GPR39: variants seen among roughly 807,000 people sequenced by gnomAD.
GPR39 encodes G protein-coupled receptor 39.
GPR39 carries 23 observed loss-of-function variants against 18.4 expected under a neutral mutation model. The observed-to-expected ratio is 1.25, with a 90% CI of 0.90 to 1.77. GPR39 has a LOEUF of 1.77. Among genes scored for constraint, GPR39 ranks in the 40% most tolerant of loss-of-function variants. The pLI is 0.00. For missense variants in GPR39, 647 were observed against 602.4 expected, an observed-to-expected ratio of 1.07 and a Z score of -0.78; for synonymous variants, 280 against 257.9, an observed-to-expected ratio of 1.09 and a Z score of -0.82.
intron 1 of GPR39, among the ~76,000 whole-genome samples, chr2:132,536,474 T>C (rs908866165): frequency 6.6e-6 from 1 of 152,178 alleles, no homozygotes; most frequent in Non-Finnish European, 1.5e-5. Context: ...TGCTGAGCAG[T>C]GTTTTACTTC....
At chr2:132,475,573 A>G (rs114362048) in intron 1 of GPR39, among the ~76,000 whole-genome samples, 2,118 of 152,048 alleles carry the variant, frequency 0.014, 42 homozygotes, top group African/African-American at 0.048. Context: ...TAACTACACG[A>G]ATACCCCCAC....
intron 1 of GPR39, among the ~76,000 whole-genome samples, chr2:132,441,030 A>G (rs1388382092): frequency 4.6e-5 from 7 of 152,228 alleles, no homozygotes; most frequent in Non-Finnish European, 2.9e-5. Context: ...AGTAAATTAA[A>G]AACTCAAGCA....
chr2:132,503,047 A>G (rs1679075048), intron 1 of GPR39, among the ~76,000 whole-genome samples: 1 of 152,096 alleles, frequency 6.6e-6, no homozygotes, highest in Admixed American at 6.5e-5. Context: ...TTAATACTTG[A>G]CTTTCTGAAT....
chr2:132,552,796 A>G (rs112796160), intron 1 of GPR39, among the ~76,000 whole-genome samples: 1,986 of 144,920 alleles, frequency 0.014, 59 homozygotes, highest in African/African-American at 0.048. Flanking sequence ...ATGTGTATAT[A>G]TGTGTGTGTG....
At chr2:132,635,117 C>G (rs1215343750) in intron 1 of GPR39, among the ~76,000 whole-genome samples, 1 of 152,162 alleles carries the variant, frequency 6.6e-6, no homozygotes. Flanking sequence ...CCTCTAAGTA[C>G]AGAGATGGAA....
At position 132,645,983 on chromosome 2, in the gene GPR39, G is replaced by GT; in HGVS notation, c.*378dup. The GT allele has an allele frequency of 5.5e-6, 7 of 1,275,742 alleles. No homozygotes were observed. The highest frequency in any genetic ancestry group is 7.5e-6 in the Non-Finnish European group (7 of 929,384). The allele number at this position is 1,275,742 out of a possible 1,614,324, so 79.0% of individuals were successfully genotyped here. Reference sequence around the variant, plus strand: ...ACCCAGAAGAAACTCACTCAGGGAGGTGGGGGGTTGGGGGCGAGGGCTGGA... The same window carrying GT: ...ACCCAGAAGAAACTCACTCAGGGAGGTTGGGGGGTTGGGGGCGAGGGCTGGA... On this transcript the variant is annotated 3_prime_UTR_variant, in exon 2 of 2. Transcript: ENST00000329321.
At chr2:132,480,177 T>C (rs1326946748) in intron 1 of GPR39, among the ~76,000 whole-genome samples, 4 of 152,230 alleles carry the variant, frequency 2.6e-5, no homozygotes, top group African/African-American at 4.8e-5. Flanking sequence ...AAATACTATA[T>C]GATTTGACTT....
intron 1 of GPR39, among the ~76,000 whole-genome samples, chr2:132,430,346 G>A (rs1384931856): frequency 6.6e-6 from 1 of 152,210 alleles, no homozygotes; most frequent in African/African-American, 2.4e-5. Flanking sequence ...GAGAATGGGA[G>A]AAGAAGGAGC....
chr2:132,608,538 G>A (rs769322883), intron 1 of GPR39, among the ~76,000 whole-genome samples: 1 of 152,182 alleles, frequency 6.6e-6, no homozygotes, highest in Non-Finnish European at 1.5e-5. Context: ...GTCAAAGCCC[G>A]GCCTGCTGAG....
rs557204179 is a variant in GPR39 at position 132,488,999 on chromosome 2, C to G, written c.856+71101C>G. 2.5e-5 allele frequency: 4 copies of G among 159,970 alleles called. No homozygotes were observed. The South Asian group carries it at 7.0e-4, about 28-fold the overall frequency. 9.9% of individuals were successfully genotyped at this position (159,970 alleles called of 1,614,324 possible). ...ATTGAGGACCCCTATGACGCGGAGT[C>G]TATCATGGTTGCAGCCTGCTCCACG... On this transcript the variant is annotated intron_variant, in intron 1 of 1. Transcript: ENST00000329321.
chr2:132,558,936 T>A (rs1680200673), intron 1 of GPR39, among the ~76,000 whole-genome samples: 1 of 152,154 alleles, frequency 6.6e-6, no homozygotes, highest in African/African-American at 2.4e-5. Context: ...AGAAGCACAT[T>A]TATTAAGCAC....
At chr2:132,438,429 C>T (rs1474483602) in intron 1 of GPR39, among the ~76,000 whole-genome samples, 2 of 152,260 alleles carry the variant, frequency 1.3e-5, no homozygotes, top group Admixed American at 6.5e-5. Context: ...TCACTCAGTA[C>T]ACTGCTTTCC....
intron 1 of GPR39, among the ~76,000 whole-genome samples, chr2:132,580,975 A>G (rs1680612327): frequency 6.8e-6 from 1 of 145,986 alleles, no homozygotes; most frequent in African/African-American, 2.7e-5. Flanking sequence ...AAAAAAAACA[A>G]AAAAAAAAAC....
At chr2:132,492,945 A>G (rs950296844) in intron 1 of GPR39, among the ~76,000 whole-genome samples, 7 of 144,334 alleles carry the variant, frequency 4.8e-5, no homozygotes, top group Non-Finnish European at 9.1e-5. Context: ...TATACACACC[A>G]TATATACACC....
At chr2:132,487,389 G>A (rs13016401) in intron 1 of GPR39, among the ~76,000 whole-genome samples, 1 of 152,170 alleles carries the variant, frequency 6.6e-6, no homozygotes, top group African/African-American at 2.4e-5. Context: ...GCTTGATGCA[G>A]TGTTGCCACA....
At chr2:132,464,273 C>G (rs768675782) in intron 1 of GPR39, among the ~76,000 whole-genome samples, 4 of 152,156 alleles carry the variant, frequency 2.6e-5, no homozygotes, top group Non-Finnish European at 4.4e-5. Context: ...ACAGACATGG[C>G]TGTTGGTGTT....
At chr2:132,610,008 G>T (rs1170125904) in intron 1 of GPR39, among the ~76,000 whole-genome samples, 2 of 151,956 alleles carry the variant, frequency 1.3e-5, no homozygotes, top group South Asian at 2.1e-4. Flanking sequence ...CATTTGCCAA[G>T]ACTCAGTTTA....
intron 1 of GPR39, among the ~76,000 whole-genome samples, chr2:132,581,621 C>T (rs1680624271): frequency 1.3e-5 from 2 of 152,058 alleles, no homozygotes; most frequent in Non-Finnish European, 2.9e-5. Context: ...TCCCAATATT[C>T]CTGGGGAAAT....
chr2:132,579,742 G>T (rs1013863725), intron 1 of GPR39, among the ~76,000 whole-genome samples: 4 of 151,912 alleles, frequency 2.6e-5, no homozygotes, highest in African/African-American at 7.3e-5. Flanking sequence ...ATTTCAAAGA[G>T]CAAACAAATG....
Sources: gnomAD v4.1 joint callset for allele counts (sites outside exome capture counted in the v4.1 genomes callset) on GRCh38, gnomAD v4.1.1 for gene constraint, MANE v1.5 for transcripts, NCBI Gene and HGNC (gene_info 2026-07-23, HGNC 2026-07-21) for gene names.